CHCHD3: variants seen among roughly 807,000 people sequenced by gnomAD.
CHCHD3 encodes the protein coiled-coil-helix-coiled-coil-helix domain containing 3, also known as MICOS complex subunit MIC19.
A neutral mutation model predicts 38.2 loss-of-function variants in CHCHD3; 20 were observed. The observed-to-expected ratio is 0.52, with a 90% CI of 0.37 to 0.76. CHCHD3 has a LOEUF of 0.76. Among genes scored for constraint, CHCHD3 ranks in the 30% least tolerant of loss-of-function variants. The probability of loss-of-function intolerance (pLI) is 0.00; values close to 1 mark genes in which losing one functional copy is unlikely to be tolerated. For missense variants in CHCHD3, 245 were observed against 279.2 expected (o/e 0.88, Z 0.87); for synonymous variants, 82 against 100.0 (o/e 0.82, Z 1.07).
chr7:132,933,973 T>G (rs77342779), intron 4 of CHCHD3, among the ~76,000 whole-genome samples: 2,825 of 152,308 alleles, frequency 0.019, 102 homozygotes, highest in African/African-American at 0.064. Context: ...CAGCCTAAAC[T>G]TAATGGGTAT....
chr7:132,995,622 C>G (rs1424853949), intron 3 of CHCHD3, among the ~76,000 whole-genome samples: 1 of 152,186 alleles, frequency 6.6e-6, no homozygotes, highest in East Asian at 1.9e-4. Context: ...ATCTAATGTG[C>G]AGGCCATAGT....
chr7:132,853,185 A>C (rs1482601281), intron 5 of CHCHD3, among the ~76,000 whole-genome samples: 3 of 152,184 alleles, frequency 2.0e-5, no homozygotes, highest in Non-Finnish European at 4.4e-5. Context: ...ACTCCGACTG[A>C]CCGCTGCAGA....
intron 4 of CHCHD3, 62 bp from the exon 5 acceptor site, chr7:132,885,807 C>T: frequency 8.3e-7 from 1 of 1,211,324 alleles, no homozygotes; most frequent in Non-Finnish European, 1.2e-6. Context: ...AAGCAAAAGT[C>T]AAGAATAAAT....
At chr7:132,818,905 C>G (rs1265512200) in intron 6 of CHCHD3, among the ~76,000 whole-genome samples, 1 of 152,162 alleles carries the variant, frequency 6.6e-6, no homozygotes, top group Non-Finnish European at 1.5e-5. Flanking sequence ...CTGGCATGTA[C>G]TAGAGATGAA....
At chr7:132,791,727 A>C (rs1806465153) in intron 7 of CHCHD3, among the ~76,000 whole-genome samples, 1 of 152,204 alleles carries the variant, frequency 6.6e-6, no homozygotes, top group African/African-American at 2.4e-5. Flanking sequence ...ATATGCACTG[A>C]TCTTGAGGCT....
intron 6 of CHCHD3, among the ~76,000 whole-genome samples, chr7:132,822,936 G>A (rs1482539639): frequency 1.3e-5 from 2 of 152,162 alleles, no homozygotes; most frequent in South Asian, 2.1e-4. Flanking sequence ...CTATTTAGAA[G>A]AATGAGTTGG....
At chr7:133,017,713 CAT>C (rs1378376808) in intron 3 of CHCHD3, among the ~76,000 whole-genome samples, 1 of 152,080 alleles carries the variant, frequency 6.6e-6, no homozygotes, top group East Asian at 1.9e-4. Flanking sequence ...TTGATATTAA[CAT>C]GTAAAAATAT....
chr7:133,014,523 C>CA (rs1812971912), intron 3 of CHCHD3, among the ~76,000 whole-genome samples: 1 of 147,908 alleles, frequency 6.8e-6, no homozygotes, highest in South Asian at 2.2e-4. Context: ...TAATTGATTT[C>CA]AAAACATCTA....
chr7:132,787,947 CAG>C (rs1260234242), intron 7 of CHCHD3, among the ~76,000 whole-genome samples: 2 of 152,168 alleles, frequency 1.3e-5, no homozygotes, highest in Admixed American at 6.5e-5. Context: ...GATTGCTCAG[CAG>C]AGAGTTGTCC....
At chr7:132,958,983 T>C (rs1438584561) in intron 4 of CHCHD3, among the ~76,000 whole-genome samples, 3 of 152,200 alleles carry the variant, frequency 2.0e-5, no homozygotes, top group Non-Finnish European at 4.4e-5. Context: ...GCAACATATG[T>C]GTCTATCAAT....
At chr7:132,972,903 C>G in intron 4 of CHCHD3, 1 of 985,362 alleles carries the variant, frequency 1.0e-6, no homozygotes. Flanking sequence ...ACCAGCTACA[C>G]AAAGCAGTAA....
At chr7:132,917,372 A>T (rs1484244981) in intron 4 of CHCHD3, among the ~76,000 whole-genome samples, 1 of 152,212 alleles carries the variant, frequency 6.6e-6, no homozygotes, top group African/African-American at 2.4e-5. Context: ...ACTTCTGCAC[A>T]TAGTAGGAAA....
At chr7:133,021,258 T>A (rs2117435235) in intron 3 of CHCHD3, among the ~76,000 whole-genome samples, 1 of 152,320 alleles carries the variant, frequency 6.6e-6, no homozygotes, top group Admixed American at 6.5e-5. Flanking sequence ...AGAGATAAAG[T>A]ATTGTGTTAA....
chr7:132,880,821 C>G (rs1012133112), intron 5 of CHCHD3, among the ~76,000 whole-genome samples: 1 of 151,360 alleles, frequency 6.6e-6, no homozygotes, highest in African/African-American at 2.4e-5. Flanking sequence ...GTTGGGAAAA[C>G]AAAAAAAACA....
intron 5 of CHCHD3, among the ~76,000 whole-genome samples, chr7:132,876,067 C>T (rs563207582): frequency 3.0e-4 from 45 of 152,326 alleles, no homozygotes; most frequent in African/African-American, 1.1e-3. Context: ...AACAGAAGCA[C>T]TGCAATTTCC....
At chr7:133,076,591 G>C (rs1232927441) in intron 1 of CHCHD3, among the ~76,000 whole-genome samples, 1 of 152,176 alleles carries the variant, frequency 6.6e-6, no homozygotes, top group East Asian at 1.9e-4. Flanking sequence ...TCCACAGAGG[G>C]GGAAAGGCCA....
Position 132,973,898 on chromosome 7 carries a change from G to C in CHCHD3, c.369+1271C>G, listed in dbSNP as rs939379984. 3.3e-6 allele frequency: 4 copies of C among 1,215,610 alleles called. No homozygotes were observed. The African/African-American group carries it at 6.4e-5, about 19-fold the overall frequency. 75.3% of individuals were successfully genotyped at this position (1,215,610 alleles called of 1,614,324 possible). ...CATGGTCCCATTTTCCCTGTCCAGT[G>C]AGTTCCCAACTGTGCTCCAATGAGG... is the stretch of plus-strand genomic sequence containing the variant. On this transcript the variant is annotated intron_variant, in intron 4 of 7. Transcript: ENST00000262570.
chr7:132,841,819 C>T (rs1236270181), intron 5 of CHCHD3, among the ~76,000 whole-genome samples: 1 of 152,070 alleles, frequency 6.6e-6, no homozygotes, highest in Admixed American at 6.6e-5. Flanking sequence ...TTTTATAGGC[C>T]GGGCACGGTG....
intron 3 of CHCHD3, among the ~76,000 whole-genome samples, chr7:132,990,963 C>CACACACAA (rs1283102071): frequency 6.6e-6 from 1 of 151,606 alleles, no homozygotes; most frequent in Admixed American, 6.6e-5. Flanking sequence ...CACACACACA[C>CACACACAA]ACACACACAC....
Sources: gnomAD v4.1 joint callset for allele counts (sites outside exome capture counted in the v4.1 genomes callset) on GRCh38, gnomAD v4.1.1 for gene constraint, MANE v1.5 for transcripts, NCBI Gene and HGNC (gene_info 2026-07-23, HGNC 2026-07-21) for gene names.